MCC: variants seen among roughly 807,000 people sequenced by gnomAD.
MCC encodes the protein MCC regulator of Wnt signaling pathway.
Under a neutral mutation model 116.2 loss-of-function variants are expected in MCC, and 90 were observed. The ratio of observed to expected loss-of-function variants is 0.77; its 90% CI spans 0.65 to 0.92. MCC has a LOEUF of 0.92. Ranked by LOEUF, MCC falls within the 40% of genes least tolerant of loss-of-function variation. MCC has a pLI of 0.00. For missense variants in MCC, 1,516 were observed against 1,312.2 expected, an observed-to-expected ratio of 1.16 and a Z score of -2.40; for synonymous variants, 578 against 510.5, an observed-to-expected ratio of 1.13 and a Z score of -1.78.
chr5:113,145,705 G>A (rs1759456207), intron 4 of MCC, among the ~76,000 whole-genome samples: 1 of 150,036 alleles, frequency 6.7e-6, no homozygotes, highest in African/African-American at 2.5e-5. Context: ...CCTATGGAGT[G>A]GCCATTCTTT....
At chr5:113,214,038 T>A (rs634261) in intron 3 of MCC, among the ~76,000 whole-genome samples, 1 of 152,092 alleles carries the variant, frequency 6.6e-6, no homozygotes, top group Admixed American at 6.5e-5. Context: ...TTTTTTGCAA[T>A]AGTATTATTG....
At chr5:113,203,916 T>A (rs145744378) in intron 3 of MCC, among the ~76,000 whole-genome samples, 34 of 152,340 alleles carry the variant, frequency 2.2e-4, no homozygotes, top group African/African-American at 7.5e-4. Flanking sequence ...AGATTGGTCC[T>A]TAACTTTGCC....
intron 2 of MCC, among the ~76,000 whole-genome samples, chr5:113,370,904 C>T (rs1768822216): frequency 6.6e-6 from 1 of 152,058 alleles, no homozygotes; most frequent in Non-Finnish European, 1.5e-5. Flanking sequence ...AGAAATAATA[C>T]AGCAGTGTGA....
chr5:113,333,820 CATATATGTATATATGTATATATGTAT>C (rs1356234486), intron 3 of MCC, among the ~76,000 whole-genome samples: 9 of 85,548 alleles, frequency 1.1e-4, no homozygotes, highest in Admixed American at 3.6e-4. Flanking sequence ...TATATATGTA[CATATATGTATATATGTATATATGTAT>C]ATATGTACAT....
intron 2 of MCC, among the ~76,000 whole-genome samples, chr5:113,376,023 T>C (rs1490176432): frequency 6.6e-6 from 1 of 152,172 alleles, no homozygotes; most frequent in Non-Finnish European, 1.5e-5. Context: ...GTGAACTCAG[T>C]GTTCTGGTGT....
At chr5:113,294,646 GCCCGCGCGGGGACCCT>G (rs1041226335) in intron 3 of MCC, 3 of 1,106,400 alleles carry the variant, frequency 2.7e-6, no homozygotes, top group Admixed American at 5.1e-5. Flanking sequence ...CAGCGGCGGA[GCCCGCGCGGGGACCCT>G]CCCGCGCGCA....
At chr5:113,347,338 G>A (rs542494367) in intron 2 of MCC, among the ~76,000 whole-genome samples, 43 of 152,124 alleles carry the variant, frequency 2.8e-4, no homozygotes, top group Middle Eastern at 6.8e-3. Context: ...TTAAAAACTG[G>A]GGGGAAGATG....
intron 6 of MCC, among the ~76,000 whole-genome samples, chr5:113,115,851 G>A (rs1441813337): frequency 6.6e-6 from 1 of 152,118 alleles, no homozygotes; most frequent in Non-Finnish European, 1.5e-5. Flanking sequence ...GAAATCTTTG[G>A]GGTAGAGAAG....
In MCC at chr5:113,438,301, G is replaced by A. The variant is rs143818478; in HGVS notation, c.170+49944C>T. Among the ~76,000 whole-genome samples the A allele has an allele frequency of 4.7e-4, 72 of 152,136 alleles. 1 individual carries two copies. In the East Asian group the frequency reaches 0.013, roughly 28 times the overall value. On this transcript the variant is annotated intron_variant, in intron 1 of 18. Coordinates refer to ENST00000408903, the MANE Select transcript of MCC (RefSeq NM_001085377.2). ...CATGTTATCAAGGGTTCCATCTGCCGTACGGTGAGTTGTAGGAGCTGAGGC... is the reference window on the plus strand; with the variant it reads ...CATGTTATCAAGGGTTCCATCTGCCATACGGTGAGTTGTAGGAGCTGAGGC...
intron 3 of MCC, among the ~76,000 whole-genome samples, chr5:113,217,111 G>A (rs751217533): frequency 7.9e-5 from 12 of 152,184 alleles, no homozygotes; most frequent in Non-Finnish European, 1.6e-4. Flanking sequence ...CCCTGATTCA[G>A]GTGGTAGTTT....
intron 3 of MCC, among the ~76,000 whole-genome samples, chr5:113,337,599 G>A (rs1042360515): frequency 1.8e-4 from 28 of 152,200 alleles, no homozygotes; most frequent in African/African-American, 6.3e-4. Context: ...TTTACCCTTA[G>A]TAGGTAATCC....
At chr5:113,179,556 A>G (rs1438243869) in intron 3 of MCC, among the ~76,000 whole-genome samples, 1 of 152,244 alleles carries the variant, frequency 6.6e-6, no homozygotes, top group African/African-American at 2.4e-5. Flanking sequence ...AACAGCAGAT[A>G]GTAGAATTTT....
intron 1 of MCC, among the ~76,000 whole-genome samples, chr5:113,445,463 G>A (rs67268709): frequency 0.18 from 28,050 of 151,950 alleles, 3,068 homozygotes; most frequent in Admixed American, 0.31. Context: ...TAACGTTCAA[G>A]CTAAGAGTCA....
chr5:113,259,300 C>G (rs974916560), intron 3 of MCC, among the ~76,000 whole-genome samples: 2 of 152,016 alleles, frequency 1.3e-5, no homozygotes, highest in African/African-American at 4.8e-5. Flanking sequence ...TTCAAACAGT[C>G]AAAAAATGAA....
At chr5:113,165,082 C>G (rs534109006) in intron 3 of MCC, among the ~76,000 whole-genome samples, 66 of 152,354 alleles carry the variant, frequency 4.3e-4, no homozygotes, top group African/African-American at 1.6e-3. Flanking sequence ...CTAGCCTGGC[C>G]AGGGCCTGTG....
intron 1 of MCC, among the ~76,000 whole-genome samples, chr5:113,440,588 G>A (rs1026473952): frequency 2.6e-5 from 4 of 151,984 alleles, no homozygotes; most frequent in Middle Eastern, 3.4e-3. Context: ...AAGAAGAAAC[G>A]GAAGGAGAAA....
At chr5:113,076,119 G>C (rs542506556) in intron 11 of MCC, among the ~76,000 whole-genome samples, 79 of 152,270 alleles carry the variant, frequency 5.2e-4, no homozygotes, top group Non-Finnish European at 7.2e-4. Context: ...CTTGAAGTCA[G>C]CAAGACCAAG....
chr5:113,431,104 G>C (rs1338181646), intron 1 of MCC, among the ~76,000 whole-genome samples: 8 of 152,168 alleles, frequency 5.3e-5, no homozygotes, highest in Non-Finnish European at 8.8e-5. Flanking sequence ...TCTGCTGAGG[G>C]AGAAAGGAAG....
At chr5:113,226,902 T>C (rs1007422489) in intron 3 of MCC, among the ~76,000 whole-genome samples, 1 of 152,210 alleles carries the variant, frequency 6.6e-6, no homozygotes, top group Non-Finnish European at 1.5e-5. Context: ...TTCAACTTGG[T>C]TATTTTAATT....
Sources: allele counts gnomAD v4.1 joint callset (sites outside exome capture counted in the v4.1 genomes callset), GRCh38; gene constraint gnomAD v4.1.1; transcripts MANE v1.5; gene names NCBI Gene and HGNC (gene_info 2026-07-23, HGNC 2026-07-21).